USP49: variants seen among roughly 807,000 people sequenced by gnomAD.
The protein encoded by USP49 is ubiquitin specific peptidase 49, also known as ubiquitin carboxyl-terminal hydrolase 49.
Under a neutral mutation model 58.6 loss-of-function variants are expected in USP49, and 24 were observed. The observed-to-expected ratio is 0.41, with a 90% CI of 0.30 to 0.58. The LOEUF (loss-of-function observed/expected upper bound fraction) is 0.58. Among genes scored for constraint, USP49 ranks in the 20% least tolerant of loss-of-function variants. The pLI is 0.30. For synonymous variants in USP49, 408 were observed against 365.1 expected, an observed-to-expected ratio of 1.12 and a Z score of -1.34; for missense variants, 703 against 866.1, an observed-to-expected ratio of 0.81 and a Z score of 2.36.
Position 41,806,693 on chromosome 6 carries a change from G to A in USP49, c.291C>T (p.Ser97=). 1 of 1,614,256 alleles carries A rather than the reference G, an allele frequency of 6.2e-7. No individual in the cohort carries two copies. Among genetic ancestry groups the A allele is most frequent in the East Asian group, 2.2e-5 (1 of 44,890 alleles). ...TCTGGCCCCGGACCGCCAGGAGGGA[G>A]CTTCTTAGCAGCTTCAGGTCCCCCT... ...NPEGDLKLLR[S]SLLAVRGQKQ... The change falls in exon 4 of 8, where the codon AGC becomes AGT. Residue 97 remains serine, a synonymous_variant. Transcript: ENST00000682992. This position sits in a 1 kb window ranked among gnomAD's most constrained non-coding sequence, Gnocchi z 5.9.
At chr6:41,844,590 G>A (rs555312155) in intron 3 of USP49, among the ~76,000 whole-genome samples, 3 of 152,284 alleles carry the variant, frequency 2.0e-5, no homozygotes, top group Non-Finnish European at 4.4e-5. Flanking sequence ...TGGAATTACA[G>A]GCGTGAGCCA....
chr6:41,806,364 T>C lies in USP49; in HGVS notation c.620A>G (p.Lys207Arg), dbSNP rs752158852. ...LEELASTPPR[K>R]SARLLLHTPR... The stretch of plus-strand genomic sequence containing the variant: ...CGTGTGCAGGAGCAGCCGTGCACTC[T>C]TGCGCGGAGGGGTGCTGGCCAGCTC... The change falls in exon 4 of 8, where the codon AAG becomes AGG. Residue 207 changes from lysine (K) to arginine (R), a missense_variant. Transcript: ENST00000682992. The surrounding 1 kb of genome is among the most constrained non-coding windows in gnomAD (Gnocchi z 5.9). The C allele has an allele frequency of 1.3e-6, 2 of 1,535,858 alleles. No individual in the cohort carries two copies. Among genetic ancestry groups the C allele is most frequent in the Non-Finnish European group, 1.7e-6 (2 of 1,152,234 alleles).
chr6:41,882,730 C>T (rs1774633717), intron 2 of USP49, among the ~76,000 whole-genome samples: 2 of 152,142 alleles, frequency 1.3e-5, no homozygotes, highest in South Asian at 4.1e-4. Context: ...TCCTGGCTAA[C>T]ACGGTGAAAC....
chr6:41,866,836 C>T (rs1370538992), intron 3 of USP49, among the ~76,000 whole-genome samples: 1 of 152,154 alleles, frequency 6.6e-6, no homozygotes, highest in Non-Finnish European at 1.5e-5. Context: ...ATTGTTTTAA[C>T]TTCATCAGCC....
chr6:41,800,775 A>T (rs1772983485), intron 5 of USP49, among the ~76,000 whole-genome samples: 1 of 152,268 alleles, frequency 6.6e-6, no homozygotes, highest in African/African-American at 2.4e-5. Flanking sequence ...TAAATGATAG[A>T]GTATTTAAAC....
At chr6:41,828,720 A>G (rs1420391839) in intron 3 of USP49, among the ~76,000 whole-genome samples, 1 of 152,164 alleles carries the variant, frequency 6.6e-6, no homozygotes, top group Non-Finnish European at 1.5e-5. Flanking sequence ...TACAGTTAAT[A>G]CAATCATATG....
chr6:41,880,995 T>C (rs1029542691), intron 2 of USP49, among the ~76,000 whole-genome samples: 5 of 151,964 alleles, frequency 3.3e-5, no homozygotes, highest in Non-Finnish European at 5.9e-5. Context: ...TGCAGTGGTA[T>C]GGTCTTGGCT....
At position 41,805,853 on chromosome 6, in the gene USP49, C is replaced by T. The variant is rs1773107200; in HGVS notation, c.1131G>A (p.Ser377=). The T allele has an allele frequency of 1.2e-6, 2 of 1,613,900 alleles. No individual in the cohort carries two copies. Among genetic ancestry groups the T allele is most frequent in the East Asian group, 2.2e-5 (1 of 44,878 alleles). The change falls in exon 4 of 8, where the codon TCG becomes TCA. Residue 377 remains serine, a synonymous_variant. Transcript: ENST00000682992. ...ACACTGAGTGGAGCATGGCGAAGGG[C>T]GACACTAGGGCCCACTTCCCGGACC... ...VMWSGKWALV[S]PFAMLHSVWS... is the part of the protein sequence containing the mutation.
Position 41,798,896 on chromosome 6 carries a change from C to A in USP49, c.1704G>T (p.Gly568=), listed in dbSNP as rs762899402. ...ATACCTGGTCAAAGACGACATGGACCCCAATCTTCTCTCGATGATTACGGC... is the reference window on the plus strand; with the variant it reads ...ATACCTGGTCAAAGACGACATGGACACCAATCTTCTCTCGATGATTACGGC... The part of the protein sequence containing the change: ...WSGRNHREKI[G]VHVVFDQVLT... Residue 568 remains glycine (G), a synonymous_variant, in exon 7 of 8, where the codon GGG becomes GGT. Transcript: ENST00000682992. The A allele has an allele frequency of 3.1e-6, 5 of 1,613,352 alleles. No homozygotes were observed. The South Asian group carries it at 3.3e-5, about 11-fold the overall frequency.
intron 3 of USP49, among the ~76,000 whole-genome samples, chr6:41,828,963 T>C (rs1233430917): frequency 6.6e-6 from 1 of 152,166 alleles, no homozygotes; most frequent in East Asian, 1.9e-4. Context: ...AGTCCTCCCA[T>C]CCATGAACAT....
chr6:41,878,502 C>T (rs926589929), intron 2 of USP49, among the ~76,000 whole-genome samples: 1 of 152,096 alleles, frequency 6.6e-6, no homozygotes, highest in Non-Finnish European at 1.5e-5. Context: ...GTTTGTAGAG[C>T]GGCAGCATCA....
chr6:41,802,428 T>TTTTATTTTATTTTA (rs10688447), intron 5 of USP49, among the ~76,000 whole-genome samples: 1,361 of 106,358 alleles, frequency 0.013, 18 homozygotes, highest in Non-Finnish European at 0.02. Flanking sequence ...TTTTATTTTA[T>TTTTATTTTATTTTA]TTTATTTATT....
At chr6:41,875,733 T>C (rs1209036792) in intron 2 of USP49, among the ~76,000 whole-genome samples, 1 of 152,206 alleles carries the variant, frequency 6.6e-6, no homozygotes, top group African/African-American at 2.4e-5. Flanking sequence ...CATTTCATTT[T>C]TTTTTAATTT....
chr6:41,852,857 G>A (rs1443045588), intron 3 of USP49, among the ~76,000 whole-genome samples: 1 of 152,072 alleles, frequency 6.6e-6, no homozygotes, highest in Admixed American at 6.6e-5. Flanking sequence ...AACAAAATGT[G>A]GTATACACAT....
chr6:41,876,059 T>C (rs1397152144), intron 2 of USP49, among the ~76,000 whole-genome samples: 2 of 152,158 alleles, frequency 1.3e-5, no homozygotes, highest in Admixed American at 6.6e-5. Context: ...TAAGCTCACA[T>C]AGCAAAATGT....
At chr6:41,890,944 T>C (rs1424013216) in intron 2 of USP49, among the ~76,000 whole-genome samples, 1 of 152,232 alleles carries the variant, frequency 6.6e-6, no homozygotes, top group East Asian at 1.9e-4. Context: ...AGGCATTTTT[T>C]ACTGGTTTGG....
intron 3 of USP49, among the ~76,000 whole-genome samples, chr6:41,840,635 T>C (rs1043791288): frequency 4.6e-5 from 7 of 152,118 alleles, no homozygotes; most frequent in Non-Finnish European, 1.0e-4. Context: ...ATCTGGTCTT[T>C]TTCTAAACTT....
At chr6:41,875,004 GAGAA>G (rs1273256229) in intron 2 of USP49, among the ~76,000 whole-genome samples, 2 of 151,896 alleles carry the variant, frequency 1.3e-5, no homozygotes, top group African/African-American at 4.8e-5. Context: ...AAGAGAGAGA[GAGAA>G]AGAAAGACAA....
At chr6:41,867,696 G>A (rs1056001241) in intron 3 of USP49, among the ~76,000 whole-genome samples, 3 of 151,862 alleles carry the variant, frequency 2.0e-5, no homozygotes, top group Non-Finnish European at 4.4e-5. Flanking sequence ...AGCTTGCAGT[G>A]AGCCGAGATC....
Sources: allele counts gnomAD v4.1 joint callset (sites outside exome capture counted in the v4.1 genomes callset), GRCh38; gene constraint gnomAD v4.1.1; non-coding constraint Gnocchi (gnomAD v3.1); transcripts MANE v1.5; gene names NCBI Gene and HGNC (gene_info 2026-07-23, HGNC 2026-07-21).